Variants in CYP39A1 observed in about 807,000 individuals in gnomAD.
CYP39A1 encodes the protein 24-hydroxycholesterol 7-alpha-hydroxylase.
CYP39A1 carries 49 observed loss-of-function variants against 58.1 expected under a neutral mutation model. The observed-to-expected ratio is 0.84, with a 90% CI of 0.67 to 1.07. CYP39A1 has a LOEUF of 1.07. CYP39A1 is among the 50% of genes least tolerant of loss of function. The pLI is 0.00. For synonymous variants in CYP39A1, 209 were observed against 187.6 expected, an observed-to-expected ratio of 1.11 and a Z score of -0.93; for missense variants, 531 against 539.4, an observed-to-expected ratio of 0.98 and a Z score of 0.16.
Position 46,614,688 on chromosome 6 carries a change from T to C in CYP39A1, c.931+10730A>G, listed in dbSNP as rs561098555. Among the ~76,000 whole-genome samples the C allele has an allele frequency of 7.9e-5, 12 of 151,964 alleles. No homozygotes were observed. In the South Asian group the frequency reaches 2.3e-3, roughly 29 times the overall value. ...TGATCATTACACTTTCTATATTTTATCAGCAAGATCTGTTAGAGGCAAGCA... is the reference window on the plus strand; with the variant it reads ...TGATCATTACACTTTCTATATTTTACCAGCAAGATCTGTTAGAGGCAAGCA... On this transcript the variant is annotated intron_variant, in intron 7 of 11. Transcript: ENST00000275016.
intron 5 of CYP39A1, among the ~76,000 whole-genome samples, chr6:46,631,515 G>T (rs142649595): frequency 3.9e-4 from 59 of 152,288 alleles, no homozygotes; most frequent in African/African-American, 1.3e-3. Context: ...GGCAAATTGT[G>T]TGTTATTATC....
At chr6:46,558,175 A>G (rs1286008638) in intron 10 of CYP39A1, among the ~76,000 whole-genome samples, 3 of 152,150 alleles carry the variant, frequency 2.0e-5, no homozygotes, top group African/African-American at 7.2e-5. Flanking sequence ...CAGTCAAGGT[A>G]TAAAGAAAGG....
At chr6:46,626,726 G>C (rs1775329752) in intron 6 of CYP39A1, among the ~76,000 whole-genome samples, 1 of 152,102 alleles carries the variant, frequency 6.6e-6, no homozygotes, top group South Asian at 2.1e-4. Context: ...CATTTTTACA[G>C]ATGATGAAAC....
At chr6:46,580,035 C>T (rs1467422355) in intron 10 of CYP39A1, among the ~76,000 whole-genome samples, 1 of 151,982 alleles carries the variant, frequency 6.6e-6, no homozygotes, top group Non-Finnish European at 1.5e-5. Context: ...AAAAAAGAGC[C>T]CAAATTACCA....
intron 8 of CYP39A1, among the ~76,000 whole-genome samples, chr6:46,593,678 C>T (rs1259621415): frequency 6.6e-6 from 1 of 152,096 alleles, no homozygotes; most frequent in Non-Finnish European, 1.5e-5. Flanking sequence ...CAAGCACTCT[C>T]AAGCTGCATA....
chr6:46,631,895 T>A (rs541581372), intron 5 of CYP39A1, among the ~76,000 whole-genome samples: 145 of 152,314 alleles, frequency 9.5e-4, no homozygotes, highest in African/African-American at 3.4e-3. Context: ...CGGCTCTCCA[T>A]CATGGGAAAA....
At chr6:46,630,808 G>GT (rs1429382027) in intron 6 of CYP39A1, among the ~76,000 whole-genome samples, 155 bp downstream of exon 6, 1 of 152,116 alleles carries the variant, frequency 6.6e-6, no homozygotes, top group Non-Finnish European at 1.5e-5. Flanking sequence ...TAGGCATTCA[G>GT]TTTTGGTTTT....
At chr6:46,631,892 C>T (rs867008350) in intron 5 of CYP39A1, among the ~76,000 whole-genome samples, 1 of 152,264 alleles carries the variant, frequency 6.6e-6, no homozygotes, top group African/African-American at 2.4e-5. Flanking sequence ...TGACGGCTCT[C>T]CATCATGGGA....
chr6:46,582,883 C>T (rs1231971876), intron 10 of CYP39A1, among the ~76,000 whole-genome samples: 1 of 152,030 alleles, frequency 6.6e-6, no homozygotes, highest in Non-Finnish European at 1.5e-5. Flanking sequence ...ACATAGCACA[C>T]ACTCAGTAAA....
chr6:46,578,494 C>T (rs1281620653), intron 10 of CYP39A1, among the ~76,000 whole-genome samples: 1 of 151,582 alleles, frequency 6.6e-6, no homozygotes, highest in Non-Finnish European at 1.5e-5. Flanking sequence ...AAAACCAAAA[C>T]TTTGTTTTTT....
At chr6:46,553,038 C>T (rs1253322918) in intron 11 of CYP39A1, among the ~76,000 whole-genome samples, 2 of 137,126 alleles carry the variant, frequency 1.5e-5, no homozygotes, top group East Asian at 4.4e-4. Context: ...TTTGGAGACT[C>T]TGTCTCAAAA....
At chr6:46,588,588 T>C (rs3799882) in intron 8 of CYP39A1, among the ~76,000 whole-genome samples, 30,650 of 151,998 alleles carry the variant, frequency 0.2, 3,201 homozygotes, top group African/African-American at 0.21. Context: ...ACAGGGACAA[T>C]GGCCATGGTA....
chr6:46,575,160 T>A (rs1347436929), intron 10 of CYP39A1, among the ~76,000 whole-genome samples: 1 of 152,096 alleles, frequency 6.6e-6, no homozygotes, highest in Non-Finnish European at 1.5e-5. Flanking sequence ...ACAACTCCCA[T>A]GACATTTGAG....
intron 1 of CYP39A1, among the ~76,000 whole-genome samples, chr6:46,651,545 T>G (rs1186038805): frequency 7.2e-5 from 11 of 152,204 alleles, no homozygotes; most frequent in Non-Finnish European, 1.5e-4. Flanking sequence ...TGTGATATTC[T>G]GGGTTATTTT....
intron 7 of CYP39A1, among the ~76,000 whole-genome samples, chr6:46,623,155 G>A (rs965473841): frequency 7.9e-5 from 12 of 151,994 alleles, no homozygotes; most frequent in African/African-American, 2.9e-4. Context: ...CCATGCCTGT[G>A]ATGATAATTT....
intron 8 of CYP39A1, among the ~76,000 whole-genome samples, chr6:46,594,121 A>G (rs1773004017): frequency 6.6e-6 from 1 of 152,080 alleles, no homozygotes; most frequent in African/African-American, 2.4e-5. Context: ...GATTATATTG[A>G]TTCTGATTCA....
At chr6:46,626,384 G>A (rs3799867) in intron 6 of CYP39A1, among the ~76,000 whole-genome samples, 29,031 of 152,012 alleles carry the variant, frequency 0.19, 2,979 homozygotes, top group African/African-American at 0.27. Context: ...TCATCTAGGA[G>A]AATTGGTCCT....
chr6:46,623,379 A>G (rs1023426945), intron 7 of CYP39A1, among the ~76,000 whole-genome samples: 1 of 152,136 alleles, frequency 6.6e-6, no homozygotes, highest in African/African-American at 2.4e-5. Context: ...ATGATGGTTA[A>G]TTCTATATGT....
At chr6:46,598,278 C>A (rs1488906500) in intron 7 of CYP39A1, among the ~76,000 whole-genome samples, 1 of 152,148 alleles carries the variant, frequency 6.6e-6, no homozygotes, top group African/African-American at 2.4e-5. Context: ...AATATCCATA[C>A]AAGCAAATCA....
Sources: allele counts gnomAD v4.1 joint callset (sites outside exome capture counted in the v4.1 genomes callset), GRCh38; gene constraint gnomAD v4.1.1; transcripts MANE v1.5; gene names NCBI Gene and HGNC (gene_info 2026-07-23, HGNC 2026-07-21).